NRG1: variants seen among roughly 807,000 people sequenced by gnomAD.
NRG1 encodes pro-neuregulin-1, membrane-bound isoform.
Under a neutral mutation model 63.8 loss-of-function variants are expected in NRG1, and 18 were observed. That is an observed-to-expected ratio of 0.28 (90% CI 0.19 to 0.42). The LOEUF is 0.42. NRG1 is among the 10% of genes least tolerant of loss of function. The pLI, the probability that NRG1 is intolerant of heterozygous loss-of-function variation, is 1.00. For missense variants in NRG1, 762 were observed against 814.7 expected, an observed-to-expected ratio of 0.94 and a Z score of 0.79; for synonymous variants, 302 against 301.3, an observed-to-expected ratio of 1.00 and a Z score of -0.02.
intron 1 of NRG1, among the ~76,000 whole-genome samples, chr8:31,691,594 CAAAAAAAAAA>C (rs71208138): frequency 1.7e-4 from 6 of 34,986 alleles, no homozygotes; most frequent in African/African-American, 6.1e-4. Flanking sequence ...GACTCTGTCT[CAAAAAAAAAA>C]AAAAAAAAAA....
At chr8:32,001,093 T>G (rs1361226747) in intron 1 of NRG1, among the ~76,000 whole-genome samples, 1 of 152,062 alleles carries the variant, frequency 6.6e-6, no homozygotes, top group Admixed American at 6.6e-5. Context: ...ATTATGAACA[T>G]CTTATATTAG....
At chr8:32,606,184 A>T (rs1845249949) in intron 3 of NRG1, among the ~76,000 whole-genome samples, 1 of 148,756 alleles carries the variant, frequency 6.7e-6, no homozygotes, top group South Asian at 2.1e-4. Flanking sequence ...TATGTATTAT[A>T]TATATTACAT....
At chr8:32,561,427 A>C (rs1173699422) in intron 1 of NRG1, among the ~76,000 whole-genome samples, 1 of 152,228 alleles carries the variant, frequency 6.6e-6, no homozygotes, top group Non-Finnish European at 1.5e-5. Context: ...CCATAAAATA[A>C]GTAGTCCTAA....
At chr8:31,868,193 CAAAT>C (rs1218585068) in intron 1 of NRG1, among the ~76,000 whole-genome samples, 1 of 148,030 alleles carries the variant, frequency 6.8e-6, no homozygotes, top group Non-Finnish European at 1.5e-5. Context: ...CACACACACA[CAAAT>C]AAGCCCTGAG....
intron 1 of NRG1, among the ~76,000 whole-genome samples, chr8:32,040,759 A>ATATATATATGCGCCTAAAT (rs1819884412): frequency 1.5e-5 from 2 of 131,448 alleles, no homozygotes; most frequent in African/African-American, 5.3e-5. Flanking sequence ...GCATATATAT[A>ATATATATATGCGCCTAAAT]TATATATATG....
At chr8:32,471,185 G>A (rs1209310789) in intron 1 of NRG1, among the ~76,000 whole-genome samples, 2 of 152,108 alleles carry the variant, frequency 1.3e-5, no homozygotes, top group African/African-American at 4.8e-5. Context: ...CACTAATTCT[G>A]TTTCAGTTTA....
intron 9 of NRG1, among the ~76,000 whole-genome samples, chr8:32,759,083 A>AT (rs200524690): frequency 2.3e-4 from 35 of 149,100 alleles, no homozygotes; most frequent in East Asian, 9.9e-4. Context: ...TCCAGAGAGT[A>AT]TTTTTTTTTT....
intron 5 of NRG1, among the ~76,000 whole-genome samples, chr8:32,654,888 G>T (rs993979324): frequency 6.6e-6 from 1 of 152,068 alleles, no homozygotes; most frequent in Non-Finnish European, 1.5e-5. Flanking sequence ...TACAACTCTG[G>T]TTCTCTCAGT....
chr8:32,374,729 G>A (rs1809397883), intron 1 of NRG1, among the ~76,000 whole-genome samples: 1 of 150,946 alleles, frequency 6.6e-6, no homozygotes, highest in African/African-American at 2.4e-5. Flanking sequence ...GGTTCTTGGA[G>A]ACTAGAAATT....
intron 5 of NRG1, among the ~76,000 whole-genome samples, chr8:32,626,890 A>T (rs1343139416): frequency 6.6e-6 from 1 of 150,644 alleles, no homozygotes; most frequent in African/African-American, 2.4e-5. Context: ...GCATGGAGGC[A>T]CATGTCTGTA....
chr8:31,939,299 T>C (rs1424177381), intron 1 of NRG1, among the ~76,000 whole-genome samples: 1 of 152,126 alleles, frequency 6.6e-6, no homozygotes, highest in Non-Finnish European at 1.5e-5. Context: ...GAATTTTGTA[T>C]TCAGCAAAAC....
At chr8:31,976,665 GTGTGTGTGTGTGTGTGT>G (rs1808238377) in intron 1 of NRG1, among the ~76,000 whole-genome samples, 1 of 4,948 alleles carries the variant, frequency 2.0e-4, no homozygotes, top group Non-Finnish European at 5.2e-4. Context: ...TGCCATGGGT[GTGTGTGTGTGTGTGTGT>G]GTGTGTGTGT....
At chr8:32,256,105 C>T (rs1849673416) in intron 1 of NRG1, among the ~76,000 whole-genome samples, 1 of 152,088 alleles carries the variant, frequency 6.6e-6, no homozygotes, top group Non-Finnish European at 1.5e-5. Flanking sequence ...GTAAGCAATT[C>T]CTCTAACCTT....
At chr8:32,384,920 TG>T (rs1428216439) in intron 1 of NRG1, among the ~76,000 whole-genome samples, 15 of 152,376 alleles carry the variant, frequency 9.8e-5, no homozygotes, top group African/African-American at 2.4e-5. Flanking sequence ...CATTTTAAAC[TG>T]GAATTTACTG....
At chr8:31,674,356 C>G (rs139561080) in intron 1 of NRG1, among the ~76,000 whole-genome samples, 1 of 152,132 alleles carries the variant, frequency 6.6e-6, no homozygotes, top group Non-Finnish European at 1.5e-5. Context: ...CTACCCGCAA[C>G]GTATAAGGGT....
At chr8:32,668,244 G>A (rs1197645923) in intron 5 of NRG1, among the ~76,000 whole-genome samples, 2 of 151,832 alleles carry the variant, frequency 1.3e-5, no homozygotes, top group African/African-American at 4.8e-5. Flanking sequence ...GCTGGTTAAA[G>A]GTCCCTGTCC....
intron 1 of NRG1, among the ~76,000 whole-genome samples, chr8:31,712,665 T>G (rs181370007): frequency 2.8e-4 from 42 of 152,334 alleles, no homozygotes; most frequent in Admixed American, 1.3e-3. Context: ...AAGAAATTCT[T>G]GTGCTCTTTG....
At chr8:32,390,140 G>A (rs767755009) in intron 1 of NRG1, among the ~76,000 whole-genome samples, 1 of 151,848 alleles carries the variant, frequency 6.6e-6, no homozygotes, top group Non-Finnish European at 1.5e-5. Flanking sequence ...TCTATGCCTG[G>A]GCTACATCTT....
chr8:32,129,471 G>A (rs1834525000), intron 1 of NRG1, among the ~76,000 whole-genome samples: 1 of 151,864 alleles, frequency 6.6e-6, no homozygotes, highest in African/African-American at 2.4e-5. Flanking sequence ...GTCTCTCTTT[G>A]CACATGGCAT....
Sources: gnomAD v4.1 joint callset for allele counts (sites outside exome capture counted in the v4.1 genomes callset) on GRCh38, gnomAD v4.1.1 for gene constraint, MANE v1.5 for transcripts, NCBI Gene and HGNC (gene_info 2026-07-23, HGNC 2026-07-21) for gene names.